Variants in DNAI4 observed in about 807,000 individuals in gnomAD.
DNAI4 encodes WD repeat domain 78.
DNAI4 carries 85 observed loss-of-function variants against 105.8 expected under a neutral mutation model. The observed-to-expected ratio is 0.80, with a 90% CI of 0.67 to 0.96. The LOEUF (loss-of-function observed/expected upper bound fraction) is 0.96. DNAI4 is among the 40% of genes least tolerant of loss of function. The pLI, the probability that DNAI4 is intolerant of heterozygous loss-of-function variation, is 0.00. For synonymous variants in DNAI4, 352 were observed against 331.5 expected (o/e 1.06, Z -0.67); for missense variants, 1,014 against 1,005.6 (o/e 1.01, Z -0.11).
At position 66,840,622 on chromosome 1, in the gene DNAI4, T is replaced by C. The variant is rs757774447; in HGVS notation, c.1341A>G (p.Glu447=). 9.3e-6 allele frequency: 15 copies of C among 1,614,042 alleles called. No individual in the cohort carries two copies. The highest frequency in any genetic ancestry group is 1.3e-5 in the Non-Finnish European group (15 of 1,180,000). The change falls in exon 9 of 17, where the codon GAA becomes GAG. Residue 447 remains glutamate, a synonymous_variant. Transcript: ENST00000371026. ...PEDVLESAKH[E]EVEEESKKEE... is the part of the protein sequence containing the mutation. ...CCTTCTTAGATTCTTCCTCTACCTC[T>C]TCATGTTTTGCACTTTCTAAAACAT...
In DNAI4 at chr1:66,855,948, C is replaced by T. The variant is rs149592439; in HGVS notation, c.1096+6199G>A. Among the ~76,000 whole-genome samples the T allele has an allele frequency of 1.5e-3, 229 of 152,198 alleles. 1 individual carries two copies. The highest frequency in any genetic ancestry group is 5.1e-3 in the African/African-American group (210 of 41,538). On this transcript the variant is annotated intron_variant, in intron 7 of 16. Coordinates refer to ENST00000371026, the MANE Select transcript of DNAI4 (RefSeq NM_024763.5). ...CTTCCAGGTTCAAGCGATTCTCCTG[C>T]CTCAGCCTCCCAAGTAGCTGGGACT...
rs1446403972 is a variant in DNAI4, at chr1:66,836,451, A to G, written c.1582-674T>C. Among the ~76,000 whole-genome samples the G allele has an allele frequency of 3.3e-5, 5 of 152,284 alleles. No homozygotes were observed. In the East Asian group the frequency reaches 9.6e-4, roughly 29 times the overall value. ...ATCACCTGTCTACCTTCTTATGGGA[A>G]CAAAAAACTAATCATCTAGCATATA... On this transcript the variant is annotated intron_variant, in intron 10 of 16. Transcript: ENST00000371026.
chr1:66,893,124 A>AGAAT, intron 3 of DNAI4, 105 bp downstream of exon 3: 1 of 541,806 alleles, frequency 1.8e-6, no homozygotes, highest in Non-Finnish European at 3.0e-6. Flanking sequence ...AAAGAAAGAA[A>AGAAT]CTGGGAGACT....
intron 4 of DNAI4, 106 bp from the exon 5 acceptor site, chr1:66,875,043 T>C (rs538768436): frequency 3.6e-6 from 4 of 1,101,074 alleles, no homozygotes; most frequent in Non-Finnish European, 5.1e-6. Context: ...TTGCAGGTGG[T>C]TTATATAGTC....
chr1:66,874,086 A>T (rs1241672932), intron 5 of DNAI4, among the ~76,000 whole-genome samples: 2 of 151,958 alleles, frequency 1.3e-5, no homozygotes, highest in African/African-American at 4.8e-5. Flanking sequence ...AATAACTATT[A>T]ATAATCTACT....
intron 2 of DNAI4, among the ~76,000 whole-genome samples, chr1:66,894,888 A>T (rs1648181436): frequency 6.6e-6 from 1 of 152,180 alleles, no homozygotes; most frequent in Non-Finnish European, 1.5e-5. Flanking sequence ...TTTAGCCTTT[A>T]GCATTTACAT....
At chr1:66,823,484 A>G (rs1229261867) in intron 15 of DNAI4, among the ~76,000 whole-genome samples, 8 of 148,950 alleles carry the variant, frequency 5.4e-5, no homozygotes, top group African/African-American at 1.7e-4. Flanking sequence ...GAATCGCCAC[A>G]CTGACTTCCA....
At chr1:66,848,450 T>G (rs1646325291) in intron 7 of DNAI4, 2 of 356,264 alleles carry the variant, frequency 5.6e-6, no homozygotes, top group East Asian at 7.6e-5. Context: ...AGGTAACACA[T>G]TCACAGGTTC....
In DNAI4 at chr1:66,840,470, G is replaced by T; in HGVS notation, c.1493C>A (p.Pro498Gln). ...TTGTTCAAATGTTTGATAACTTACT[G>T]GATTTGTTTTATTCCAGGCAAGGCT... ...VSSLAWNKTN[P>Q]DLLAVGYGHF... The change falls in exon 9 of 17, where the codon CCA becomes CAA. Residue 498 changes from proline to glutamine, a missense_variant and splice_region_variant. Transcript: ENST00000371026. The T allele has an allele frequency of 6.2e-7, 1 of 1,611,994 alleles. No individual in the cohort carries two copies. Among genetic ancestry groups the T allele is most frequent in the South Asian group, 1.1e-5 (1 of 91,042 alleles).
At chr1:66,851,587 C>T (rs1037643945) in intron 7 of DNAI4, among the ~76,000 whole-genome samples, 27 of 151,754 alleles carry the variant, frequency 1.8e-4, no homozygotes, top group African/African-American at 6.5e-4. Context: ...AGTGTCTTCT[C>T]CAATTACAGT....
chr1:66,839,247 C>A (rs1241290785), intron 9 of DNAI4, among the ~76,000 whole-genome samples: 1 of 151,942 alleles, frequency 6.6e-6, no homozygotes, highest in Non-Finnish European at 1.5e-5. Flanking sequence ...GCCTTGGCAA[C>A]AAAACAAGAC....
chr1:66,816,130 A>G (rs990708442), intron 16 of DNAI4, among the ~76,000 whole-genome samples: 4 of 152,188 alleles, frequency 2.6e-5, no homozygotes, highest in Non-Finnish European at 5.9e-5. Context: ...CAACATTAAC[A>G]AGTCCCTGTC....
At chr1:66,841,869 G>A (rs547621883) in intron 8 of DNAI4, among the ~76,000 whole-genome samples, 6 of 152,224 alleles carry the variant, frequency 3.9e-5, no homozygotes, top group South Asian at 4.1e-4. Flanking sequence ...TAGGGTTCAC[G>A]CACAGTATTG....
intron 4 of DNAI4, among the ~76,000 whole-genome samples, chr1:66,889,477 A>T (rs1298177475): frequency 6.6e-6 from 1 of 152,238 alleles, no homozygotes; most frequent in Non-Finnish European, 1.5e-5. Flanking sequence ...GCCAAAAAAA[A>T]TCAAAGCCAA....
intron 15 of DNAI4, 36 bp downstream of exon 15, chr1:66,826,784 T>C: frequency 6.4e-7 from 1 of 1,559,412 alleles, no homozygotes; most frequent in African/African-American, 1.5e-5. Flanking sequence ...TTGAACTGCT[T>C]CTACTAAAAT....
intron 4 of DNAI4, among the ~76,000 whole-genome samples, chr1:66,880,218 T>A (rs1042451349): frequency 6.6e-6 from 1 of 152,298 alleles, no homozygotes; most frequent in Middle Eastern, 3.4e-3. Flanking sequence ...ATCAGCAGCA[T>A]GAAAATGGAC....
At chr1:66,837,460 C>A in intron 10 of DNAI4, 1 of 319,124 alleles carries the variant, frequency 3.1e-6, no homozygotes, top group Non-Finnish European at 5.7e-6. Flanking sequence ...AATGGTTCAA[C>A]TCTTCATCAT....
chr1:66,918,524 C>CATTATGTAT (rs1650238789), intron 1 of DNAI4, among the ~76,000 whole-genome samples: 3 of 150,512 alleles, frequency 2.0e-5, no homozygotes, highest in Non-Finnish European at 4.4e-5. Context: ...TAAACAGCAA[C>CATTATGTAT]CTATTTACAT....
chr1:66,890,722 G>A lies in DNAI4; in HGVS notation c.643+432C>T. The A allele has an allele frequency of 9.0e-6, 2 of 222,978 alleles. No individual in the cohort carries two copies. The highest frequency in any genetic ancestry group is 8.7e-6 in the Non-Finnish European group (1 of 114,590). The allele number at this position is 222,978 out of a possible 1,614,324, so 13.8% of individuals were successfully genotyped here. On this transcript the variant is annotated intron_variant, in intron 4 of 16. Transcript: ENST00000371026. This position sits in a 1 kb window ranked among gnomAD's most constrained non-coding sequence, Gnocchi z 4.1. ...AAGAAGGAGAGGAGGGGGAGGAGGA[G>A]GAGGGAGAGGAAGAGGGGGAGAAGG...
Sources: allele counts gnomAD v4.1 joint callset (sites outside exome capture counted in the v4.1 genomes callset), GRCh38; gene constraint gnomAD v4.1.1; non-coding constraint Gnocchi (gnomAD v3.1); transcripts MANE v1.5; gene names NCBI Gene and HGNC (gene_info 2026-07-23, HGNC 2026-07-21).